ZFHX3: variants seen among roughly 807,000 people sequenced by gnomAD.
ZFHX3 encodes zinc finger homeobox 3, also known as zinc finger homeobox protein 3.
A neutral mutation model predicts 279.1 loss-of-function variants in ZFHX3; 42 were observed. The observed-to-expected ratio is 0.15, with a 90% CI of 0.12 to 0.19. The LOEUF is 0.19. Among genes scored for constraint, ZFHX3 ranks in the 10% least tolerant of loss-of-function variants. The pLI is 1.00. For missense variants in ZFHX3, 4,981 were observed against 4,754.0 expected (o/e 1.05, Z -1.40); for synonymous variants, 2,293 against 1,957.8 (o/e 1.17, Z -4.52).
chr16:73,691,298 G>A (rs993413347), intron 1 of ZFHX3, among the ~76,000 whole-genome samples: 7 of 151,876 alleles, frequency 4.6e-5, no homozygotes, highest in South Asian at 4.2e-4. Flanking sequence ...CCTCTACAAC[G>A]GAATAAAAAG....
rs9930354 is a variant in ZFHX3 at position 73,680,456 on chromosome 16, A to G, written c.-1607-216T>C. Among the ~76,000 whole-genome samples, 382 of 152,322 alleles carry G rather than the reference A, an allele frequency of 2.5e-3. 2 individuals are homozygous for G. The highest frequency in any genetic ancestry group is 8.6e-3 in the African/African-American group (356 of 41,576). On this transcript the variant is annotated intron_variant, in intron 1 of 17. Coordinates refer to the ZFHX3 transcript ENST00000641206. ...TCTCAAAACAGAAGCACTGTTTCCA[A>G]TTGCAAAGAAAGCCTGTGCTCTCCC...
intron 3 of ZFHX3, among the ~76,000 whole-genome samples, chr16:73,336,945 T>C (rs2015925072): frequency 6.6e-6 from 1 of 152,120 alleles, no homozygotes; most frequent in Admixed American, 6.5e-5. Context: ...CGAGCCTTAA[T>C]ATCACCCTCA....
chr16:73,110,300 A>G (rs566200602), intron 7 of ZFHX3, among the ~76,000 whole-genome samples: 1 of 152,136 alleles, frequency 6.6e-6, no homozygotes, highest in Non-Finnish European at 1.5e-5. Context: ...AGTAAGATAC[A>G]TTCAAACAGG....
intron 1 of ZFHX3, among the ~76,000 whole-genome samples, chr16:73,783,942 T>C (rs1263457666): frequency 6.6e-6 from 1 of 152,082 alleles, no homozygotes; most frequent in African/African-American, 2.4e-5. Flanking sequence ...ATGCTGTTCC[T>C]AAGAACAGGA....
intron 1 of ZFHX3, among the ~76,000 whole-genome samples, chr16:73,880,888 C>CT (rs2030123191): frequency 6.6e-6 from 1 of 152,178 alleles, no homozygotes; most frequent in African/African-American, 2.4e-5. Flanking sequence ...CTCTGCACCC[C>CT]TTATTTACCA....
intron 2 of ZFHX3, among the ~76,000 whole-genome samples, chr16:73,582,236 A>G (rs1352480109): frequency 6.6e-6 from 1 of 151,788 alleles, no homozygotes; most frequent in East Asian, 1.9e-4. Flanking sequence ...TCCCTAAAGG[A>G]GTTCTGGAGA....
intron 1 of ZFHX3, among the ~76,000 whole-genome samples, chr16:73,884,055 G>T (rs949403782): frequency 1.3e-5 from 2 of 152,142 alleles, no homozygotes; most frequent in Non-Finnish European, 2.9e-5. Context: ...CACACATAGA[G>T]TAACAGCTTT....
In ZFHX3 at chr16:72,958,993, C is replaced by T. The variant is rs764687875; in HGVS notation, c.1153G>A (p.Ala385Thr). Residue 385 changes from alanine (A) to threonine (T), a missense_variant, in exon 2 of 10, where the codon GCT (alanine) becomes ACT (threonine). Around this residue, in one of 7 missense-constraint regions of ZFHX3, gnomAD observed 1,068 missense variants for 935.2 expected, o/e 1.14. Transcript: ENST00000268489. ...CCAGCCTGGGGCTGCTCGGGGCCAG[C>T]GGCGGAGCCCGCTGGGAGAGCTTCC... Reference protein sequence around the residue: ...GEEALPAGSAAGPEQPQAGLL... With the variant: ...GEEALPAGSATGPEQPQAGLL... 17 of 1,606,556 alleles carry T rather than the reference C, an allele frequency of 1.1e-5. No individual in the cohort carries two copies. Among genetic ancestry groups the T allele is most frequent in the South Asian group, 6.7e-5 (6 of 89,870 alleles).
intron 2 of ZFHX3, among the ~76,000 whole-genome samples, chr16:73,503,293 C>T (rs1045422030): frequency 3.3e-5 from 5 of 152,212 alleles, no homozygotes; most frequent in African/African-American, 1.2e-4. Context: ...ATAGCATTTG[C>T]AGCCCAGGGT....
chr16:72,959,039 A>C lies in ZFHX3; in HGVS notation c.1107T>G (p.Ser369Arg). 1 of 1,613,748 alleles carries C rather than the reference A, an allele frequency of 6.2e-7. No homozygotes were observed. The highest frequency in any genetic ancestry group is 8.5e-7 in the Non-Finnish European group (1 of 1,179,872). ...CTTCCTCCCCTTCCATTCGAATGCCACTAAATTTACCATAAAAACTGTGTC... is the reference window on the plus strand; with the variant it reads ...CTTCCTCCCCTTCCATTCGAATGCCCCTAAATTTACCATAAAAACTGTGTC... ...GPGHSFYGKF[S>R]GIRMEGEEAL... Residue 369 changes from serine (S) to arginine (R), a missense_variant, in exon 2 of 10, where the codon AGT becomes AGG. Around this residue, in one of 7 missense-constraint regions of ZFHX3, gnomAD observed 1,068 missense variants for 935.2 expected, o/e 1.14. Transcript: ENST00000268489.
At chr16:73,660,741 T>C (rs1004158660) in intron 2 of ZFHX3, among the ~76,000 whole-genome samples, 1 of 152,178 alleles carries the variant, frequency 6.6e-6, no homozygotes, top group African/African-American at 2.4e-5. Context: ...AAAAACAAAA[T>C]GTGACAGGTG....
At chr16:73,452,160 G>A (rs1303096581) in intron 3 of ZFHX3, among the ~76,000 whole-genome samples, 1 of 152,168 alleles carries the variant, frequency 6.6e-6, no homozygotes, top group African/African-American at 2.4e-5. Context: ...TTCACTTTAT[G>A]TAGAATTAAT....
intron 2 of ZFHX3, among the ~76,000 whole-genome samples, chr16:73,458,113 A>G (rs2018405488): frequency 1.3e-5 from 2 of 152,228 alleles, no homozygotes. Flanking sequence ...GTTAGTCAAC[A>G]GAAACATCTA....
At position 73,471,482 on chromosome 16, in the gene ZFHX3, C is replaced by T. The variant is rs1597348128; in HGVS notation, c.-1546-15224G>A. Among the ~76,000 whole-genome samples, 9 of 152,118 alleles carry T rather than the reference C, an allele frequency of 5.9e-5. No individual in the cohort carries two copies. The South Asian group carries it at 1.5e-3, about 25-fold the overall frequency. On this transcript the variant is annotated intron_variant, in intron 2 of 17. Transcript: ENST00000641206. ...GAAGTGCAATGGTGCAATCTTGGCT[C>T]ACTGCAACCTCCACCTCCCAGGTTC...
intron 2 of ZFHX3, among the ~76,000 whole-genome samples, chr16:73,619,368 G>A (rs901944927): frequency 1.3e-4 from 19 of 151,412 alleles, no homozygotes; most frequent in Non-Finnish European, 2.5e-4. Flanking sequence ...GGCACCTATA[G>A]TCCCAGCTAC....
At chr16:73,815,323 G>T (rs917189950) in intron 1 of ZFHX3, among the ~76,000 whole-genome samples, 1 of 152,070 alleles carries the variant, frequency 6.6e-6, no homozygotes, top group Admixed American at 6.5e-5. Context: ...ACCAAGGTTC[G>T]TGACTCCTGT....
chr16:72,984,608 A>G (rs1219513976), intron 1 of ZFHX3, among the ~76,000 whole-genome samples: 1 of 148,698 alleles, frequency 6.7e-6, no homozygotes, highest in African/African-American at 2.5e-5. Flanking sequence ...CCTGGGCCAA[A>G]GAGCAAGACT....
intron 1 of ZFHX3, among the ~76,000 whole-genome samples, chr16:73,819,884 T>A (rs1361281221): frequency 6.6e-6 from 1 of 152,132 alleles, no homozygotes; most frequent in African/African-American, 2.4e-5. Flanking sequence ...TCTGGCCAAG[T>A]GTGAAGTCTT....
chr16:72,994,896 G>A (rs1963225824), intron 1 of ZFHX3, among the ~76,000 whole-genome samples: 1 of 152,216 alleles, frequency 6.6e-6, no homozygotes, highest in South Asian at 2.1e-4. Context: ...GGACAGGGTT[G>A]AAAAGCTGTA....
Sources: gnomAD v4.1 joint callset for allele counts (sites outside exome capture counted in the v4.1 genomes callset) on GRCh38, gnomAD v4.1.1 for gene constraint, gnomAD v4.1.1 regional missense constraint, MANE v1.5 for transcripts, NCBI Gene and HGNC (gene_info 2026-07-23, HGNC 2026-07-21) for gene names.